The following LINGO2 variants were observed in gnomAD, a reference collection of about 807,000 sequenced individuals.
LINGO2 encodes the protein leucine rich repeat and Ig domain containing 2, also known as leucine-rich repeat and immunoglobulin-like domain-containing nogo receptor-interacting protein 2.
A neutral mutation model predicts 30.6 loss-of-function variants in LINGO2; 14 were observed. The observed-to-expected ratio is 0.46, with a 90% CI of 0.30 to 0.72. LINGO2 has a LOEUF of 0.72. LINGO2 is among the 30% of genes least tolerant of loss of function. The probability of loss-of-function intolerance (pLI) is 0.07; values close to 1 mark genes in which losing one functional copy is unlikely to be tolerated. For synonymous variants in LINGO2, 317 were observed against 288.5 expected, an observed-to-expected ratio of 1.10 and a Z score of -1.00; for missense variants, 729 against 751.7, an observed-to-expected ratio of 0.97 and a Z score of 0.35.
chr9:28,589,038 G>A (rs1039149568), intron 1 of LINGO2, among the ~76,000 whole-genome samples: 17 of 152,100 alleles, frequency 1.1e-4, no homozygotes, highest in African/African-American at 2.2e-4. Flanking sequence ...AAACAGAACC[G>A]AAGACAAAAA....
At chr9:27,979,954 G>A (rs188471662) in intron 5 of LINGO2, among the ~76,000 whole-genome samples, 3 of 151,880 alleles carry the variant, frequency 2.0e-5, no homozygotes, top group South Asian at 2.1e-4. Flanking sequence ...ATCTCATGTG[G>A]GTAGTCACCA....
intron 2 of LINGO2, among the ~76,000 whole-genome samples, chr9:28,439,925 C>G (rs1824122366): frequency 6.6e-6 from 1 of 152,112 alleles, no homozygotes; most frequent in Non-Finnish European, 1.5e-5. Context: ...CAGAGAGTGG[C>G]TTCTCTGAAA....
the LINGO2 span, among the ~76,000 whole-genome samples, chr9:28,790,325 C>T: frequency 1.2e-4 from 13 of 106,264 alleles, no homozygotes; most frequent in Non-Finnish European, 1.8e-4. Context: ...TCTTTTCTTT[C>T]TTTTTTTTTT....
rs765785786 is a variant in LINGO2, at chr9:28,000,429, T to G, written c.-36+11926A>C. Among the ~76,000 whole-genome samples, 176 of 152,198 alleles carry G rather than the reference T, an allele frequency of 1.2e-3. 3 individuals carry two copies. The highest frequency in any genetic ancestry group is 2.4e-4 in the Non-Finnish European group (16 of 68,024). Reference sequence around the variant, plus strand: ...AAAGGAAGGTTGGGGATTATTTTCCTTCTGGCTCCTTCACTATAAATTTCA... The same window carrying G: ...AAAGGAAGGTTGGGGATTATTTTCCGTCTGGCTCCTTCACTATAAATTTCA... On this transcript the variant is annotated intron_variant, in intron 5 of 5. Coordinates refer to ENST00000379992, the Ensembl canonical transcript of LINGO2.
intron 4 of LINGO2, among the ~76,000 whole-genome samples, chr9:28,232,788 C>T (rs1451520326): frequency 6.6e-6 from 1 of 151,704 alleles, no homozygotes; most frequent in African/African-American, 2.4e-5. Flanking sequence ...GCCCTGCCAA[C>T]CACCATTATA....
intron 4 of LINGO2, among the ~76,000 whole-genome samples, chr9:28,288,565 T>C (rs894495631): frequency 1.3e-5 from 2 of 152,180 alleles, no homozygotes; most frequent in African/African-American, 4.8e-5. Flanking sequence ...TTGTTGTTTT[T>C]TCTTTGGTAG....
intron 1 of LINGO2, among the ~76,000 whole-genome samples, chr9:28,511,119 G>C (rs1820367787): frequency 6.6e-6 from 1 of 152,006 alleles, no homozygotes; most frequent in African/African-American, 2.4e-5. Context: ...ATACACCCAG[G>C]ATCAATACTT....
chr9:29,105,849 G>C, the LINGO2 span, among the ~76,000 whole-genome samples: 43 of 152,262 alleles, frequency 2.8e-4, no homozygotes, highest in African/African-American at 9.6e-4. Context: ...TCACCTCGGG[G>C]AGACAGCACA....
rs556505703 is a variant in LINGO2, at chr9:28,495,476, C to A, written c.-364-19451G>T. Among the ~76,000 whole-genome samples the A allele has an allele frequency of 1.3e-4, 20 of 152,228 alleles. No individual in the cohort carries two copies. In the South Asian group the frequency reaches 3.9e-3, roughly 30 times the overall value. On this transcript the variant is annotated intron_variant, in intron 1 of 5. Coordinates refer to ENST00000379992, the Ensembl canonical transcript of LINGO2. ...CAGCACCATTTATTAAATAGGGAAT[C>A]CTTTCCCCATTTCTTGTTTTTGTCA...
chr9:28,361,142 G>A (rs1259107747), intron 3 of LINGO2, among the ~76,000 whole-genome samples: 1 of 152,202 alleles, frequency 6.6e-6, no homozygotes, highest in East Asian at 1.9e-4. Context: ...TCATTTAGTA[G>A]CTGTTTTGCT....
intron 4 of LINGO2, among the ~76,000 whole-genome samples, chr9:28,057,753 T>A (rs1825004585): frequency 6.6e-6 from 1 of 151,866 alleles, no homozygotes; most frequent in Non-Finnish European, 1.5e-5. Context: ...CCTACCTGCT[T>A]TTTAAGCATA....
chr9:29,171,679 T>C, the LINGO2 span, among the ~76,000 whole-genome samples: 2 of 151,892 alleles, frequency 1.3e-5, no homozygotes, highest in Admixed American at 6.6e-5. Context: ...TTCAATATAA[T>C]AAGGTAGAGG....
chr9:29,150,927 T>G, the LINGO2 span, among the ~76,000 whole-genome samples: 1 of 152,068 alleles, frequency 6.6e-6, no homozygotes, highest in African/African-American at 2.4e-5. Flanking sequence ...CTATACAATA[T>G]GACCATCCAC....
chr9:27,972,200 G>A (rs757932019), intron 5 of LINGO2, among the ~76,000 whole-genome samples: 1 of 152,278 alleles, frequency 6.6e-6, no homozygotes, highest in African/African-American at 2.4e-5. Flanking sequence ...TTTAGGAAAC[G>A]GTGAGGGCAT....
chr9:28,371,352 C>G (rs1326165934), intron 3 of LINGO2, among the ~76,000 whole-genome samples: 1 of 152,124 alleles, frequency 6.6e-6, no homozygotes, highest in African/African-American at 2.4e-5. Flanking sequence ...ATGTATGTCT[C>G]ATTGTTCTGG....
At chr9:28,939,948 G>A in the LINGO2 span, among the ~76,000 whole-genome samples, 1 of 152,100 alleles carries the variant, frequency 6.6e-6, no homozygotes, top group African/African-American at 2.4e-5. Flanking sequence ...GCCCAGCATT[G>A]TCTGTGGCTG....
rs570521416 is a variant in LINGO2, at chr9:28,590,480, A to ATCAAAAG, written c.-365+79719_-365+79720insCTTTTGA. Among the ~76,000 whole-genome samples the ATCAAAAG allele has an allele frequency of 5.6e-3, 854 of 152,296 alleles. 10 individuals carry two copies. The highest frequency in any genetic ancestry group is 0.02 in the African/African-American group (823 of 41,578). ...AAAAGAAAAAAAAACAGACAACCCC[A>ATCAAAAG]TCAAAAAGTGGGCGAAGGATATGAA... On this transcript the variant is annotated intron_variant, in intron 1 of 5. Coordinates refer to ENST00000379992, the Ensembl canonical transcript of LINGO2.
intron 3 of LINGO2, among the ~76,000 whole-genome samples, chr9:28,359,452 C>A (rs1159215185): frequency 1.3e-5 from 2 of 152,116 alleles, no homozygotes; most frequent in Non-Finnish European, 2.9e-5. Context: ...TGTCCCCACA[C>A]ACACCACACA....
chr9:28,988,599 T>G, the LINGO2 span, among the ~76,000 whole-genome samples: 1 of 152,200 alleles, frequency 6.6e-6, no homozygotes, highest in Non-Finnish European at 1.5e-5. Context: ...GTTGTATTGA[T>G]ACATTACCCC....
Sources: gnomAD v4.1 joint callset for allele counts (sites outside exome capture counted in the v4.1 genomes callset) on GRCh38, gnomAD v4.1.1 for gene constraint, MANE v1.5 for transcripts, NCBI Gene and HGNC (gene_info 2026-07-23, HGNC 2026-07-21) for gene names.